The following ASB3 variants were observed in gnomAD, a reference collection of about 807,000 sequenced individuals.
ASB3 encodes the protein ankyrin repeat and SOCS box containing 3, also known as ankyrin repeat and SOCS box protein 3.
Under a neutral mutation model 54.5 loss-of-function variants are expected in ASB3, and 41 were observed. That is an observed-to-expected ratio of 0.75 (90% CI 0.59 to 0.98). ASB3 has a LOEUF of 0.98. ASB3 is among the 50% of genes least tolerant of loss of function. The pLI, the probability that ASB3 is intolerant of heterozygous loss-of-function variation, is 0.00. For missense variants in ASB3, 733 were observed against 620.0 expected, an observed-to-expected ratio of 1.18 and a Z score of -1.94; for synonymous variants, 266 against 221.2, an observed-to-expected ratio of 1.20 and a Z score of -1.80.
intron 3 of ASB3, 72 bp from the exon 4 acceptor site, chr2:53,729,642 GTTCT>G: frequency 3.0e-6 from 4 of 1,318,376 alleles, no homozygotes; most frequent in Non-Finnish European, 4.4e-6. Context: ...CTTTGGTGAT[GTTCT>G]CATCACTTAC....
rs1669413713 is a variant in ASB3 at position 53,700,255 on chromosome 2, T to C, written c.1238+16A>G. On this transcript the variant is annotated intron_variant, in intron 8 of 9. Transcript: ENST00000263634. ...CACTCAAAAAGGGTAAGCCCGACTA[T>C]GGTAGAATTTCTTACCAAGAATTGC... 7 of 1,608,094 alleles carry C rather than the reference T, an allele frequency of 4.4e-6. No individual in the cohort carries two copies. In the East Asian group the frequency reaches 1.3e-4, roughly 31 times the overall value.
At chr2:53,730,999 C>A (rs10188142) in intron 3 of ASB3, among the ~76,000 whole-genome samples, 1 of 151,848 alleles carries the variant, frequency 6.6e-6, no homozygotes, top group African/African-American at 2.4e-5. Context: ...AAATGATAAG[C>A]GTGCTTATTA....
At chr2:53,755,454 A>T (rs977967628) in intron 2 of ASB3, among the ~76,000 whole-genome samples, 4 of 152,232 alleles carry the variant, frequency 2.6e-5, no homozygotes, top group Non-Finnish European at 5.9e-5. Flanking sequence ...AGTAGAGGAG[A>T]TAGGTTAAGT....
chr2:53,700,063 C>G (rs1371515491), intron 8 of ASB3, among the ~76,000 whole-genome samples: 2 of 152,058 alleles, frequency 1.3e-5, no homozygotes, highest in Non-Finnish European at 2.9e-5. Flanking sequence ...CCCCTCATAC[C>G]TCCTTCCAGT....
intron 8 of ASB3, among the ~76,000 whole-genome samples, chr2:53,696,682 G>A (rs1669198993): frequency 6.6e-6 from 1 of 152,072 alleles, no homozygotes; most frequent in East Asian, 1.9e-4. Flanking sequence ...TCAACCAATG[G>A]TAGATTGAGA....
intron 1 of ASB3, among the ~76,000 whole-genome samples, chr2:53,769,454 A>G (rs1673736981): frequency 6.6e-6 from 1 of 152,252 alleles, no homozygotes; most frequent in Non-Finnish European, 1.5e-5. Flanking sequence ...ACGAAAATGT[A>G]CAGTGTGTTA....
intron 9 of ASB3, among the ~76,000 whole-genome samples, chr2:53,670,940 G>T (rs1213652634): frequency 6.6e-6 from 1 of 152,128 alleles, no homozygotes; most frequent in Non-Finnish European, 1.5e-5. Context: ...AACACTAAAT[G>T]CTCAAATTCT....
chr2:53,752,317 G>C (rs908450428), intron 2 of ASB3, among the ~76,000 whole-genome samples: 2 of 152,122 alleles, frequency 1.3e-5, no homozygotes, highest in African/African-American at 4.8e-5. Flanking sequence ...GACAAATTAG[G>C]CATGTGGACA....
chr2:53,717,547 C>G (rs1333143994), intron 5 of ASB3, among the ~76,000 whole-genome samples: 3 of 151,982 alleles, frequency 2.0e-5, no homozygotes, highest in Non-Finnish European at 4.4e-5. Flanking sequence ...AAAATCCCAC[C>G]TGCATGAAAA....
At chr2:53,754,631 A>G (rs866033353) in intron 2 of ASB3, among the ~76,000 whole-genome samples, 20 of 152,222 alleles carry the variant, frequency 1.3e-4, no homozygotes, top group Non-Finnish European at 1.5e-5. Flanking sequence ...AATATGGGTT[A>G]TACTTCGGGC....
At position 53,708,595 on chromosome 2, in the gene ASB3, G is replaced by A. The variant is rs748449757; in HGVS notation, c.980+5789C>T. Among the ~76,000 whole-genome samples, 3 of 152,144 alleles carry A rather than the reference G, an allele frequency of 2.0e-5. No individual in the cohort carries two copies. The South Asian group carries it at 6.2e-4, about 32-fold the overall frequency. On this transcript the variant is annotated intron_variant, in intron 7 of 9. Coordinates refer to ENST00000263634, the MANE Select transcript of ASB3 (RefSeq NM_016115.5). ...GCTCTGAAGAAGACAGAAAGATGAG[G>A]GAAAGTTTGGAACTCCCTGAAGACT...
chr2:53,745,454 T>C (rs770865410), intron 3 of ASB3, among the ~76,000 whole-genome samples: 23 of 152,214 alleles, frequency 1.5e-4, no homozygotes, highest in Non-Finnish European at 2.6e-4. Context: ...TTAAAGCTCA[T>C]CTTTATTAAA....
chr2:53,695,844 G>A (rs565545315), intron 8 of ASB3, among the ~76,000 whole-genome samples: 1 of 152,204 alleles, frequency 6.6e-6, no homozygotes, highest in East Asian at 1.9e-4. Flanking sequence ...TATTGTGACA[G>A]GCAATTATTC....
chr2:53,767,417 C>G (rs1673538479), intron 1 of ASB3: 1 of 153,372 alleles, frequency 6.5e-6, no homozygotes, highest in African/African-American at 2.4e-5. Context: ...CAAAGCAGAA[C>G]AAAACGTGTT....
intron 2 of ASB3, among the ~76,000 whole-genome samples, chr2:53,751,489 T>C (rs567881457): frequency 1.3e-5 from 2 of 152,228 alleles, no homozygotes; most frequent in East Asian, 1.9e-4. Flanking sequence ...ACCAGTGACA[T>C]ATAATAAGGA....
intron 9 of ASB3, among the ~76,000 whole-genome samples, chr2:53,686,164 T>C (rs574442090): frequency 2.6e-5 from 4 of 152,330 alleles, no homozygotes; most frequent in Admixed American, 1.3e-4. Context: ...TTTGATCATC[T>C]TGAGAACCAA....
chr2:53,714,515 A>T lies in ASB3; in HGVS notation c.849T>A (p.Pro283=). Residue 283 remains proline (P), a synonymous_variant, in exon 7 of 10, where the codon CCT becomes CCA. Transcript: ENST00000263634. The part of the protein sequence containing the change: ...ACDTGLNKVS[P]VYSAVFGGHE... Reference sequence around the variant, plus strand: ...GTCCCCCAAACACTGCTGAGTAAACAGGGCTTACTTTGTTTAGCCCAGTGT... The same window carrying T: ...GTCCCCCAAACACTGCTGAGTAAACTGGGCTTACTTTGTTTAGCCCAGTGT... 1 of 1,614,238 alleles carries T rather than the reference A, an allele frequency of 6.2e-7. No individual in the cohort carries two copies.
intron 2 of ASB3, among the ~76,000 whole-genome samples, chr2:53,764,222 A>G (rs1478295015): frequency 6.6e-6 from 1 of 152,198 alleles, no homozygotes; most frequent in African/African-American, 2.4e-5. Context: ...TCCACGATCA[A>G]TGAAATGAAA....
At chr2:53,699,540 C>T (rs909353712) in intron 8 of ASB3, among the ~76,000 whole-genome samples, 1 of 152,158 alleles carries the variant, frequency 6.6e-6, no homozygotes, top group African/African-American at 2.4e-5. Context: ...AGAATTGAAA[C>T]ACGAAAGTGA....
Sources: allele counts gnomAD v4.1 joint callset (sites outside exome capture counted in the v4.1 genomes callset), GRCh38; gene constraint gnomAD v4.1.1; transcripts MANE v1.5; gene names NCBI Gene and HGNC (gene_info 2026-07-23, HGNC 2026-07-21).